DGKB: variants seen among roughly 807,000 people sequenced by gnomAD.
The protein encoded by DGKB is 90 kDa diacylglycerol kinase.
DGKB carries 67 observed loss-of-function variants against 114.3 expected under a neutral mutation model. The ratio of observed to expected loss-of-function variants is 0.59; its 90% CI spans 0.48 to 0.72. The LOEUF is 0.72. DGKB is among the 30% of genes least tolerant of loss of function. The pLI is 0.00. For missense variants in DGKB, 907 were observed against 975.2 expected, an observed-to-expected ratio of 0.93 and a Z score of 0.93; for synonymous variants, 398 against 323.1, an observed-to-expected ratio of 1.23 and a Z score of -2.49.
intron 23 of DGKB, among the ~76,000 whole-genome samples, chr7:14,272,671 TC>T (rs547438755): frequency 2.0e-3 from 304 of 152,276 alleles, no homozygotes; most frequent in African/African-American, 7.1e-3. Flanking sequence ...GAAAACATTT[TC>T]TCATAGACCC....
At chr7:14,550,236 T>C (rs1794916394) in intron 20 of DGKB, among the ~76,000 whole-genome samples, 1 of 152,126 alleles carries the variant, frequency 6.6e-6, no homozygotes, top group Admixed American at 6.6e-5. Flanking sequence ...CATTAGAGAT[T>C]AGGTTAATTT....
intron 21 of DGKB, among the ~76,000 whole-genome samples, chr7:14,454,358 G>A (rs1167565707): frequency 6.6e-6 from 1 of 151,972 alleles, no homozygotes; most frequent in Admixed American, 6.6e-5. Context: ...GCAGACCTAT[G>A]TTCTTTTATT....
intron 1 of DGKB, among the ~76,000 whole-genome samples, chr7:14,950,239 A>G (rs939858121): frequency 5.3e-5 from 8 of 152,010 alleles, no homozygotes; most frequent in African/African-American, 1.9e-4. Context: ...GGAAACCCCA[A>G]TGAAATGCAG....
chr7:14,223,977 A>G (rs888413604), intron 23 of DGKB, among the ~76,000 whole-genome samples: 1 of 151,108 alleles, frequency 6.6e-6, no homozygotes, highest in Non-Finnish European at 1.5e-5. Flanking sequence ...TTTTTTTCCA[A>G]TGTCTCCAAC....
chr7:14,288,821 G>C (rs1801290283), intron 23 of DGKB, among the ~76,000 whole-genome samples: 1 of 152,152 alleles, frequency 6.6e-6, no homozygotes, highest in African/African-American at 2.4e-5. Context: ...CCAAACAGGA[G>C]GTTCCTTGAC....
At chr7:14,704,920 C>T (rs956866656) in intron 6 of DGKB, among the ~76,000 whole-genome samples, 1 of 152,166 alleles carries the variant, frequency 6.6e-6, no homozygotes, top group African/African-American at 2.4e-5. Context: ...GCCTCTCCTC[C>T]TCCAAAGGAA....
Position 14,181,195 on chromosome 7 carries a change from C to A in DGKB, c.2123-3044G>T, listed in dbSNP as rs906462183. On this transcript the variant is annotated intron_variant, in intron 23 of 25. Transcript: ENST00000402815. ...TATGTCTCTTTTTGTACTACAGAGG[C>A]ACAGTAGAGACCATATGGTCGACAA... Among the ~76,000 whole-genome samples, 8 of 152,274 alleles carry A rather than the reference C, an allele frequency of 5.3e-5. No homozygotes were observed. In the East Asian group the frequency reaches 1.2e-3, roughly 22 times the overall value.
chr7:14,457,364 T>A (rs758286582), intron 21 of DGKB, among the ~76,000 whole-genome samples: 2 of 152,118 alleles, frequency 1.3e-5, no homozygotes, highest in Non-Finnish European at 2.9e-5. Flanking sequence ...GTTATTAAAA[T>A]TACGGTAATA....
At chr7:14,826,139 C>T (rs1845682983) in intron 2 of DGKB, among the ~76,000 whole-genome samples, 1 of 152,140 alleles carries the variant, frequency 6.6e-6, no homozygotes, top group Non-Finnish European at 1.5e-5. Context: ...AGTGCCTACT[C>T]AAACAACTTG....
chr7:14,411,865 G>A (rs1824938818), intron 21 of DGKB, among the ~76,000 whole-genome samples: 1 of 152,058 alleles, frequency 6.6e-6, no homozygotes. Flanking sequence ...AGGGGCATTG[G>A]TTTAATACAT....
At chr7:14,435,685 C>T (rs1256405091) in intron 21 of DGKB, among the ~76,000 whole-genome samples, 1 of 152,022 alleles carries the variant, frequency 6.6e-6, no homozygotes, top group Non-Finnish European at 1.5e-5. Flanking sequence ...ACATACTCTT[C>T]TAATTTATAG....
intron 17 of DGKB, among the ~76,000 whole-genome samples, chr7:14,588,569 G>A (rs914073354): frequency 6.6e-6 from 1 of 151,628 alleles, no homozygotes; most frequent in Admixed American, 6.6e-5. Context: ...CCTGGCCTCC[G>A]GCCCTCCCTC....
chr7:14,580,594 A>G (rs1048421670), intron 19 of DGKB, among the ~76,000 whole-genome samples: 1 of 152,220 alleles, frequency 6.6e-6, no homozygotes, highest in Non-Finnish European at 1.5e-5. Flanking sequence ...AAAAAAATCA[A>G]AAACCAAAAC....
intron 2 of DGKB, among the ~76,000 whole-genome samples, chr7:14,801,892 A>G (rs1842200638): frequency 6.7e-6 from 1 of 149,466 alleles, no homozygotes; most frequent in Middle Eastern, 3.4e-3. Context: ...GTGTGTATAT[A>G]TATATACACA....
intron 2 of DGKB, among the ~76,000 whole-genome samples, chr7:14,821,848 G>A (rs1196322001): frequency 1.3e-5 from 2 of 152,178 alleles, no homozygotes; most frequent in African/African-American, 4.8e-5. Context: ...TCCTGTGGTA[G>A]TTCAGGAAAG....
intron 21 of DGKB, among the ~76,000 whole-genome samples, chr7:14,419,082 C>G (rs1055486042): frequency 5.3e-5 from 8 of 151,724 alleles, no homozygotes; most frequent in Non-Finnish European, 1.5e-5. Context: ...ATAATAGAAT[C>G]CTTACTCTGG....
chr7:14,599,799 T>C (rs1803224025), intron 17 of DGKB, among the ~76,000 whole-genome samples: 1 of 152,196 alleles, frequency 6.6e-6, no homozygotes, highest in Non-Finnish European at 1.5e-5. Context: ...TGGGTTTTCT[T>C]ATTTTTACTT....
At chr7:14,963,805 G>T (rs1787000594) in intron 1 of DGKB, among the ~76,000 whole-genome samples, 1 of 152,092 alleles carries the variant, frequency 6.6e-6, no homozygotes, top group Non-Finnish European at 1.5e-5. Context: ...GTAGGTGGGA[G>T]ATTTGCTCTA....
intron 6 of DGKB, among the ~76,000 whole-genome samples, chr7:14,711,158 T>A (rs1464874153): frequency 6.6e-6 from 1 of 152,122 alleles, no homozygotes; most frequent in Non-Finnish European, 1.5e-5. Flanking sequence ...CTGAAGAAAC[T>A]AATATTTTAA....
Sources: allele counts gnomAD v4.1 joint callset (sites outside exome capture counted in the v4.1 genomes callset), GRCh38; gene constraint gnomAD v4.1.1; transcripts MANE v1.5; gene names NCBI Gene and HGNC (gene_info 2026-07-23, HGNC 2026-07-21).